CPPED1: variants seen among roughly 807,000 people sequenced by gnomAD.
The protein encoded by CPPED1 is serine/threonine-protein phosphatase CPPED1.
A neutral mutation model predicts 28.0 loss-of-function variants in CPPED1; 28 were observed. The ratio of observed to expected loss-of-function variants is 1.00; its 90% confidence interval spans 0.74 to 1.37. CPPED1 has a LOEUF of 1.37. CPPED1 is among the 40% of genes most tolerant of loss of function. The probability of loss-of-function intolerance (pLI) is 0.00; values close to 1 mark genes in which losing one functional copy is unlikely to be tolerated. For synonymous variants in CPPED1, 198 were observed against 180.2 expected (o/e 1.10, Z -0.79); for missense variants, 504 against 416.5 (o/e 1.21, Z -1.83).
chr16:12,756,085 C>T (rs906821119), intron 2 of CPPED1, among the ~76,000 whole-genome samples: 6 of 151,088 alleles, frequency 4.0e-5, no homozygotes, highest in Non-Finnish European at 7.4e-5. Flanking sequence ...GAGCCAAGAT[C>T]GCGCTACTGC....
At chr16:12,714,222 T>C (rs913692803) in intron 2 of CPPED1, among the ~76,000 whole-genome samples, 11 of 152,248 alleles carry the variant, frequency 7.2e-5, no homozygotes, top group African/African-American at 2.4e-4. Flanking sequence ...CTGGCTATTA[T>C]GAATTATGCT....
At chr16:12,786,085 A>G (rs2080561529) in intron 1 of CPPED1, among the ~76,000 whole-genome samples, 1 of 152,216 alleles carries the variant, frequency 6.6e-6, no homozygotes, top group Non-Finnish European at 1.5e-5. Flanking sequence ...CCTGATGAAG[A>G]GGGACAAGGT....
intron 3 of CPPED1, among the ~76,000 whole-genome samples, chr16:12,681,018 G>C (rs1032766878): frequency 6.6e-6 from 1 of 151,880 alleles, no homozygotes; most frequent in African/African-American, 2.4e-5. Context: ...TGTTTTGCTT[G>C]GGTAGGAAGC....
intron 2 of CPPED1, among the ~76,000 whole-genome samples, chr16:12,746,882 T>C: frequency 6.6e-6 from 1 of 151,626 alleles, no homozygotes; most frequent in Admixed American, 6.6e-5. Context: ...ACCTCGAAAA[T>C]GCTACAATAA....
chr16:12,679,923 A>G (rs1277468870), intron 3 of CPPED1, among the ~76,000 whole-genome samples: 1 of 152,210 alleles, frequency 6.6e-6, no homozygotes, highest in Non-Finnish European at 1.5e-5. Context: ...AATAACCGAG[A>G]AAGATTAGCC....
intron 3 of CPPED1, among the ~76,000 whole-genome samples, chr16:12,673,101 A>G (rs1278732294): frequency 6.6e-6 from 1 of 152,216 alleles, no homozygotes; most frequent in African/African-American, 2.4e-5. Flanking sequence ...AGATGCAGCC[A>G]CTGCCACTCC....
intron 3 of CPPED1, among the ~76,000 whole-genome samples, chr16:12,691,029 G>C (rs987448077): frequency 6.6e-6 from 1 of 152,212 alleles, no homozygotes; most frequent in Admixed American, 6.5e-5. Flanking sequence ...TGCCCACGGT[G>C]CATTCTGCTC....
At chr16:12,717,128 A>G (rs1379634127) in intron 2 of CPPED1, among the ~76,000 whole-genome samples, 1 of 152,120 alleles carries the variant, frequency 6.6e-6, no homozygotes, top group East Asian at 1.9e-4. Context: ...AAGACCAGGG[A>G]GCCTTTTGGA....
At chr16:12,769,472 G>A (rs115104010) in intron 2 of CPPED1, among the ~76,000 whole-genome samples, 8 of 152,048 alleles carry the variant, frequency 5.3e-5, no homozygotes, top group Non-Finnish European at 7.4e-5. Flanking sequence ...CTCCTCTGCC[G>A]GACTGCCACG....
intron 1 of CPPED1, among the ~76,000 whole-genome samples, chr16:12,790,918 C>CAAAAAA (rs538022826): frequency 7.9e-5 from 5 of 63,304 alleles, no homozygotes; most frequent in South Asian, 6.3e-4. Flanking sequence ...GACTCTATCT[C>CAAAAAA]AAAAAAAAAA....
At chr16:12,799,249 T>G (rs1015403453) in intron 1 of CPPED1, among the ~76,000 whole-genome samples, 8 of 81,578 alleles carry the variant, frequency 9.8e-5, no homozygotes, top group Non-Finnish European at 1.5e-4. Flanking sequence ...GTCAGTTTTT[T>G]TTTTTTTTTT....
rs528530297 is a variant in CPPED1, at chr16:12,674,574, T to G, written c.716-9459A>C. Among the ~76,000 whole-genome samples the G allele has an allele frequency of 2.6e-5, 4 of 151,816 alleles. No individual in the cohort carries two copies. In the East Asian group the frequency reaches 7.8e-4, roughly 29 times the overall value. On this transcript the variant is annotated intron_variant, in intron 3 of 3. Coordinates refer to ENST00000381774, the MANE Select transcript of CPPED1 (RefSeq NM_018340.3). ...AAAGGAGGCGGGGCCTGGAAGGGGG[T>G]GGCACAGTGGCGGGGCACTCTGTAT...
At chr16:12,691,801 G>A (rs2079964370) in intron 3 of CPPED1, among the ~76,000 whole-genome samples, 1 of 108,486 alleles carries the variant, frequency 9.2e-6, no homozygotes, top group Non-Finnish European at 1.7e-5. Flanking sequence ...ATCACACGCT[G>A]GGGACTGTTG....
chr16:12,719,390 CAA>C (rs746297859), intron 2 of CPPED1, among the ~76,000 whole-genome samples: 32 of 90,384 alleles, frequency 3.5e-4, no homozygotes, highest in Non-Finnish European at 4.3e-4. Context: ...GACTGCGTCT[CAA>C]AAAAAAAAAA....
At chr16:12,755,344 C>T (rs949479397) in intron 2 of CPPED1, among the ~76,000 whole-genome samples, 4 of 147,312 alleles carry the variant, frequency 2.7e-5, no homozygotes, top group African/African-American at 5.0e-5. Flanking sequence ...TTCAGTGGCA[C>T]GATCATAGCT....
intron 3 of CPPED1, among the ~76,000 whole-genome samples, chr16:12,687,051 T>A (rs1003774585): frequency 2.6e-5 from 4 of 152,168 alleles, no homozygotes. Flanking sequence ...AATGGCTGCA[T>A]TTAGGATGTA....
At chr16:12,762,941 G>C (rs1304461737) in intron 2 of CPPED1, among the ~76,000 whole-genome samples, 1 of 151,916 alleles carries the variant, frequency 6.6e-6, no homozygotes, top group Non-Finnish European at 1.5e-5. Flanking sequence ...TAGAAATGAA[G>C]TCTTGCGCCG....
At position 12,696,765 on chromosome 16, in the gene CPPED1, A is replaced by G. The variant is rs531681126; in HGVS notation, c.715+7859T>C. Among the ~76,000 whole-genome samples the G allele has an allele frequency of 3.3e-5, 5 of 152,058 alleles. No individual in the cohort carries two copies. In the South Asian group the frequency reaches 8.4e-4, roughly 25 times the overall value. Reference sequence around the variant, plus strand: ...GCCTGACTTGTCTTTTTGATTTTATATATGACTCTCCTTAAGGGATACACC... The same window carrying G: ...GCCTGACTTGTCTTTTTGATTTTATGTATGACTCTCCTTAAGGGATACACC... On this transcript the variant is annotated intron_variant, in intron 3 of 3. Coordinates refer to ENST00000381774, the MANE Select transcript of CPPED1 (RefSeq NM_018340.3).
intron 2 of CPPED1, among the ~76,000 whole-genome samples, chr16:12,769,207 C>A (rs2080456200): frequency 6.6e-6 from 1 of 152,106 alleles, no homozygotes; most frequent in African/African-American, 2.4e-5. Flanking sequence ...GTTATTAGCT[C>A]TGCTATTAGA....
Sources: allele counts gnomAD v4.1 joint callset (sites outside exome capture counted in the v4.1 genomes callset), GRCh38; gene constraint gnomAD v4.1.1; transcripts MANE v1.5; gene names NCBI Gene and HGNC (gene_info 2026-07-23, HGNC 2026-07-21).